Variants in FYB1 observed in about 807,000 individuals in gnomAD.
FYB1 encodes the protein FYN-binding protein 1.
A neutral mutation model predicts 94.1 loss-of-function variants in FYB1; 41 were observed. The observed-to-expected ratio is 0.44, with a 90% CI of 0.34 to 0.57. FYB1 has a LOEUF of 0.57. FYB1 is among the 20% of genes least tolerant of loss of function. The pLI is 0.02. For synonymous variants in FYB1, 367 were observed against 353.2 expected, an observed-to-expected ratio of 1.04 and a Z score of -0.44; for missense variants, 1,050 against 976.8, an observed-to-expected ratio of 1.07 and a Z score of -1.00.
intron 9 of FYB1, among the ~76,000 whole-genome samples, chr5:39,133,507 G>A (rs921889607): frequency 6.6e-6 from 1 of 152,058 alleles, no homozygotes; most frequent in Non-Finnish European, 1.5e-5. Context: ...GAGAAGAAGA[G>A]GAGAGATGGA....
chr5:39,241,025 G>A (rs1579764553), intron 1 of FYB1, among the ~76,000 whole-genome samples: 2 of 152,304 alleles, frequency 1.3e-5, no homozygotes, highest in East Asian at 3.9e-4. Flanking sequence ...GAGCAACTTG[G>A]ATGGAGCTGG....
rs1487772993 is a variant in FYB1, at chr5:39,272,502, A to G, written c.-28+1901T>C. Among the ~76,000 whole-genome samples the G allele has an allele frequency of 5.4e-4, 5 of 9,186 alleles. No homozygotes were observed. In the South Asian group the frequency reaches 0.095, roughly 175 times the overall value. The allele number at this position is 9,186 out of a possible 152,430, so 6.0% of individuals were successfully genotyped here. A position where few individuals can be genotyped will look rare whatever the true frequency, so the allele number is the denominator to read the frequency against. Reference sequence around the variant, plus strand: ...ACACGGTGAAATCCCGTCTCTACTAAAAAAAAAAAAATACAAAAAATTAGC... The same window carrying G: ...ACACGGTGAAATCCCGTCTCTACTAGAAAAAAAAAAATACAAAAAATTAGC... On this transcript the variant is annotated intron_variant, in intron 1 of 1. Coordinates refer to the FYB1 transcript ENST00000510188.
intron 1 of FYB1, among the ~76,000 whole-genome samples, chr5:39,240,854 C>T (rs1751173943): frequency 1.3e-5 from 2 of 152,074 alleles, no homozygotes; most frequent in Admixed American, 1.3e-4. Flanking sequence ...CATTCTACCA[C>T]AAAGACACAT....
chr5:39,246,024 T>C lies in FYB1; in HGVS notation c.-28+28379A>G, dbSNP rs1049468318. On this transcript the variant is annotated intron_variant, in intron 1 of 1. Transcript: ENST00000510188. ...CTACTTTGTTTTTATTTAGAAATTT[T>C]GCAGCAACTCTGTTGTTCCAAGAGG... Among the ~76,000 whole-genome samples, 6 of 152,378 alleles carry C rather than the reference T, an allele frequency of 3.9e-5. No homozygotes were observed. The East Asian group carries it at 9.6e-4, about 24-fold the overall frequency.
intron 14 of FYB1, 93 bp downstream of exon 14, chr5:39,122,243 T>C (rs1328996967): frequency 2.5e-6 from 2 of 790,392 alleles, no homozygotes; most frequent in East Asian, 5.4e-5. Context: ...TCGCACACAG[T>C]AGACACACAT....
At chr5:39,260,339 T>C (rs1752159060) in intron 1 of FYB1, among the ~76,000 whole-genome samples, 1 of 152,192 alleles carries the variant, frequency 6.6e-6, no homozygotes. Flanking sequence ...GCATTGTCTA[T>C]GGCTACTTTC....
In FYB1 at chr5:39,202,719, G is replaced by C. The variant is rs778751914; in HGVS notation, c.242C>G (p.Pro81Arg). Residue 81 changes from proline to arginine, a missense_variant, in exon 2 of 19, where the codon CCG becomes CGG. Pro to Arg is a moderately radical substitution (Grantham distance 103). Transcript: ENST00000512982. ...EEKPDKEPKP[P>R]FLKPTGAGQR... ...GCCTGCTCCAGTGGGCTTTAGAAAC[G>C]GGGGCTTGGGTTCCTTGTCAGGCTT... is the stretch of plus-strand genomic sequence containing the variant. 3.1e-6 allele frequency: 5 copies of C among 1,613,688 alleles called. No individual in the cohort carries two copies. The highest frequency in any genetic ancestry group is 2.2e-5 in the East Asian group (1 of 44,854).
Position 39,108,280 on chromosome 5 carries a change from A to C in FYB1, c.2436-18T>G. 1 of 1,518,026 alleles carries C rather than the reference A, an allele frequency of 6.6e-7. No individual in the cohort carries two copies. The highest frequency in any genetic ancestry group is 8.9e-7 in the Non-Finnish European group (1 of 1,123,378). 94.0% of individuals were successfully genotyped at this position (1,518,026 alleles called of 1,614,324 possible). On this transcript the variant is annotated intron_variant, in intron 17 of 18. Coordinates refer to ENST00000512982, the MANE Select transcript of FYB1 (RefSeq NM_001465.6). ...CTCCATCACTGTAAATGTAAAAAAA[A>C]ATTTTTATTTTAAAGAAACTATGTT...
chr5:39,247,105 T>TAC (rs1347347000), intron 1 of FYB1, among the ~76,000 whole-genome samples: 149 of 141,988 alleles, frequency 1.0e-3, no homozygotes, highest in African/African-American at 3.7e-3. Flanking sequence ...TATATATATA[T>TAC]ATATATATAT....
intron 1 of FYB1, among the ~76,000 whole-genome samples, chr5:39,245,949 G>C (rs1474859251): frequency 6.6e-6 from 1 of 152,144 alleles, no homozygotes; most frequent in Non-Finnish European, 1.5e-5. Flanking sequence ...GTCCATTATA[G>C]ATCTTTCTTT....
In FYB1 at chr5:39,129,645, A is replaced by G. The variant is rs1036278425; in HGVS notation, c.1840+945T>C. Among the ~76,000 whole-genome samples the G allele has an allele frequency of 2.0e-5, 3 of 152,124 alleles. No homozygotes were observed. In the East Asian group the frequency reaches 5.8e-4, roughly 29 times the overall value. The stretch of plus-strand genomic sequence containing the variant: ...CAAACAATCCCATAAAAAGGTGGGC[A>G]AAGGATCTAAAAAGACATTTCTTAG... On this transcript the variant is annotated intron_variant, in intron 10 of 18. Coordinates refer to ENST00000512982, the MANE Select transcript of FYB1 (RefSeq NM_001465.6).
chr5:39,113,009 T>C (rs752600748), intron 16 of FYB1, among the ~76,000 whole-genome samples: 2 of 152,130 alleles, frequency 1.3e-5, no homozygotes, highest in Admixed American at 6.6e-5. Context: ...CACAATTATA[T>C]AGCATTTTTA....
At chr5:39,239,785 T>C (rs558139351) in intron 1 of FYB1, among the ~76,000 whole-genome samples, 2 of 152,300 alleles carry the variant, frequency 1.3e-5, no homozygotes, top group South Asian at 2.1e-4. Context: ...ATAAATGATA[T>C]GGTTTACAGA....
chr5:39,222,212 A>G (rs990296003), upstream of FYB1, among the ~76,000 whole-genome samples: 3 of 151,894 alleles, frequency 2.0e-5, no homozygotes, highest in Non-Finnish European at 4.4e-5. Context: ...AGGCCTTCTG[A>G]GCTCTGGCGT....
chr5:39,117,071 TTC>T (rs1202637595), intron 16 of FYB1, among the ~76,000 whole-genome samples: 1 of 152,088 alleles, frequency 6.6e-6, no homozygotes, highest in Non-Finnish European at 1.5e-5. Flanking sequence ...ACTAGGACAA[TTC>T]TCTCTTGTAA....
At chr5:39,198,658 T>TAAA (rs1748038819) in intron 2 of FYB1, among the ~76,000 whole-genome samples, 1 of 152,136 alleles carries the variant, frequency 6.6e-6, no homozygotes, top group South Asian at 2.1e-4. Context: ...TAAAATAGGC[T>TAAA]TTGTGTGAGA....
chr5:39,193,961 A>G (rs1391275121), intron 2 of FYB1, among the ~76,000 whole-genome samples: 1 of 151,568 alleles, frequency 6.6e-6, no homozygotes, highest in Admixed American at 6.5e-5. Flanking sequence ...TGCACTTGTC[A>G]TCCATCAGCC....
rs1748399099 is a variant in FYB1 at position 39,202,213 on chromosome 5, G to T, written c.748C>A (p.His250Asn). The T allele has an allele frequency of 6.2e-7, 1 of 1,613,826 alleles. No individual in the cohort carries two copies. The highest frequency in any genetic ancestry group is 8.5e-7 in the Non-Finnish European group (1 of 1,179,890). Reference protein sequence around the residue: ...PAREDSENKDHAGEISSLPFP... With the variant: ...PAREDSENKDNAGEISSLPFP... Reference sequence around the variant, plus strand: ...GGCAAACTTGAAATCTCCCCTGCATGGTCTTTATTTTCTGAGTCTTCCCTT... The same window carrying T: ...GGCAAACTTGAAATCTCCCCTGCATTGTCTTTATTTTCTGAGTCTTCCCTT... Residue 250 changes from histidine to asparagine, a missense_variant, in exon 2 of 19, where the codon CAT (histidine) becomes AAT (asparagine). Transcript: ENST00000512982.
chr5:39,118,742 A>T, intron 16 of FYB1, 132 bp downstream of exon 16: 1 of 512,256 alleles, frequency 2.0e-6, no homozygotes, highest in Non-Finnish European at 3.3e-6. Context: ...AACGTTTGCC[A>T]CAATTTACAA....
Sources: gnomAD v4.1 joint callset for allele counts (sites outside exome capture counted in the v4.1 genomes callset) on GRCh38, gnomAD v4.1.1 for gene constraint, MANE v1.5 for transcripts, NCBI Gene and HGNC (gene_info 2026-07-23, HGNC 2026-07-21) for gene names.